DAP3: variants seen among roughly 807,000 people sequenced by gnomAD.
The protein encoded by DAP3 is death associated protein 3.
DAP3 carries 28 observed loss-of-function variants against 51.9 expected under a neutral mutation model. The ratio of observed to expected loss-of-function variants is 0.54; its 90% confidence interval spans 0.40 to 0.74. The LOEUF is 0.74. Ranked by LOEUF, DAP3 falls within the 30% of genes least tolerant of loss-of-function variation. DAP3 has a pLI of 0.00. For missense variants in DAP3, 458 were observed against 483.5 expected (o/e 0.95, Z 0.49); for synonymous variants, 170 against 170.3 (o/e 1.00, Z 0.01).
intron 10 of DAP3, 88 bp downstream of exon 10, chr1:155,731,503 A>C: frequency 7.4e-7 from 1 of 1,343,994 alleles, no homozygotes; most frequent in Non-Finnish European, 1.1e-6. Flanking sequence ...AATACTTTAC[A>C]GTCTCTAATT....
chr1:155,725,847 AAAAAC>A (rs1470331693), intron 5 of DAP3, 75 bp from the exon 6 acceptor site: 27 of 1,424,970 alleles, frequency 1.9e-5, no homozygotes, highest in Non-Finnish European at 2.5e-5. Flanking sequence ...CCCATCTCAA[AAAAAC>A]AAAACAAAGC....
At chr1:155,696,649 G>T (rs796726716) in intron 1 of DAP3, among the ~76,000 whole-genome samples, 2 of 152,114 alleles carry the variant, frequency 1.3e-5, no homozygotes, top group Admixed American at 1.3e-4. Context: ...ATTTTTTGTT[G>T]CACATAGTAT....
intron 2 of DAP3, among the ~76,000 whole-genome samples, chr1:155,712,042 C>T (rs1238749168): frequency 1.7e-4 from 26 of 151,630 alleles, no homozygotes; most frequent in Admixed American, 1.6e-3. Context: ...GGTGGGTCTG[C>T]GTCTCCCAGT....
chr1:155,710,630 A>C (rs1230971642), intron 2 of DAP3: 3 of 152,150 alleles, frequency 2.0e-5, no homozygotes, highest in South Asian at 2.1e-4. Flanking sequence ...CAGGTACTAC[A>C]CTAAGTGATT....
In DAP3 at chr1:155,721,573, G is replaced by A. The variant is rs1398942578; in HGVS notation, c.225G>A (p.Leu75=). 1 of 1,614,036 alleles carries A rather than the reference G, an allele frequency of 6.2e-7. No individual in the cohort carries two copies. Among genetic ancestry groups the A allele is most frequent in the Admixed American group, 1.7e-5 (1 of 59,976 alleles). The part of the protein sequence containing the change: ...GQHYNISPQD[L]ETVFPHGLPP... ...ACTACAACATCTCCCCCCAGGATTTGGAGACTGTATTTCCCCATGGCCTTC... is the reference window on the plus strand; with the variant it reads ...ACTACAACATCTCCCCCCAGGATTTAGAGACTGTATTTCCCCATGGCCTTC... The change falls in exon 4 of 13, where the codon TTG becomes TTA. Residue 75 remains leucine, a synonymous_variant. Transcript: ENST00000368336.
At chr1:155,691,481 T>G (rs1653813542) in intron 1 of DAP3, among the ~76,000 whole-genome samples, 1 of 142,216 alleles carries the variant, frequency 7.0e-6, no homozygotes, top group Non-Finnish European at 1.5e-5. Flanking sequence ...CACGTTATGT[T>G]TATTCATCAA....
At chr1:155,726,285 ATTTTTT>A (rs1174524977) in intron 6 of DAP3, 13 of 120,488 alleles carry the variant, frequency 1.1e-4, no homozygotes, top group Non-Finnish European at 1.4e-4. Context: ...CGCCCAGCTA[ATTTTTT>A]TTTTTTTTTT....
chr1:155,707,741 G>T lies in DAP3; in HGVS notation c.-7-2032G>T, dbSNP rs546995766. On this transcript the variant is annotated intron_variant, in intron 1 of 12. Transcript: ENST00000368336. ...TAAATGTTGTTTTTATCATTCTCTT[G>T]CTTTTTTGTTTCAGTTTTCCTATTT... 3.3e-5 allele frequency among the ~76,000 whole-genome samples: 5 copies of T among 151,926 alleles called. No homozygotes were observed. In the South Asian group the frequency reaches 8.3e-4, roughly 25 times the overall value.
At chr1:155,725,054 AC>A (rs112924846) in intron 4 of DAP3, among the ~76,000 whole-genome samples, 77 of 152,306 alleles carry the variant, frequency 5.1e-4, no homozygotes, top group African/African-American at 1.5e-3. Context: ...TTCCATATTT[AC>A]AGTGGCCCTA....
At chr1:155,728,170 C>T (rs1658809770) in intron 7 of DAP3, among the ~76,000 whole-genome samples, 1 of 152,114 alleles carries the variant, frequency 6.6e-6, no homozygotes, top group South Asian at 2.1e-4. Flanking sequence ...CACCTAAGAG[C>T]TTGTTAAAAA....
intron 3 of DAP3, among the ~76,000 whole-genome samples, chr1:155,718,705 A>AAGAAAGATAGAT (rs140806404): frequency 1.2e-3 from 171 of 140,942 alleles, no homozygotes; most frequent in African/African-American, 4.2e-3. Context: ...AAAAGAAAGA[A>AAGAAAGATAGAT]AGATAGATAG....
chr1:155,688,907 G>T, upstream of DAP3: 1 of 1,612,930 alleles, frequency 6.2e-7, no homozygotes, highest in South Asian at 1.1e-5. Flanking sequence ...CAGGGTGGCC[G>T]GCCGAGTCCC....
Position 155,729,355 on chromosome 1 carries a change from G to T in DAP3, c.832G>T (p.Asp278Tyr). ...GGGAAGAACCACTCTGAAAAGAGAA[G>T]ATAAAAGCCCGGTAGGAAAACTGGG... ...LWGRTTLKREDKSPIAPEELA... is the reference protein window; with the variant it reads ...LWGRTTLKREYKSPIAPEELA... Residue 278 changes from aspartate (D) to tyrosine (Y), a missense_variant, in exon 9 of 13, where the codon GAT (aspartate) becomes TAT (tyrosine). Asp to Tyr is a radical substitution (Grantham distance 160). Coordinates refer to ENST00000368336, the MANE Select transcript of DAP3 (RefSeq NM_004632.4). The T allele has an allele frequency of 6.2e-7, 1 of 1,613,238 alleles. No individual in the cohort carries two copies. Among genetic ancestry groups the T allele is most frequent in the Non-Finnish European group, 8.5e-7 (1 of 1,179,826 alleles).
intron 11 of DAP3, among the ~76,000 whole-genome samples, chr1:155,734,013 T>A (rs1316151379): frequency 2.0e-5 from 3 of 151,944 alleles, no homozygotes; most frequent in Non-Finnish European, 4.4e-5. Context: ...TAAAACTAGC[T>A]GGGCATGGTG....
intron 1 of DAP3, among the ~76,000 whole-genome samples, chr1:155,706,551 G>C (rs1349514739): frequency 6.6e-6 from 1 of 152,082 alleles, no homozygotes; most frequent in African/African-American, 2.4e-5. Context: ...AGGATCACCT[G>C]AGGTCAGGAG....
chr1:155,688,284 C>A (rs1652908961), upstream of DAP3: 2 of 1,584,306 alleles, frequency 1.3e-6, no homozygotes, highest in African/African-American at 1.3e-5. Flanking sequence ...GCAACCGACA[C>A]TGGGATCGTT....
chr1:155,698,620 CCTTT>C (rs1194576768), intron 1 of DAP3, among the ~76,000 whole-genome samples: 2 of 152,184 alleles, frequency 1.3e-5, no homozygotes, highest in African/African-American at 4.8e-5. Flanking sequence ...ATTTCCTTTC[CCTTT>C]CTTTGTGCTC....
chr1:155,688,994 A>C (rs1164514778), upstream of DAP3: 13 of 1,602,370 alleles, frequency 8.1e-6, no homozygotes, highest in South Asian at 5.6e-5. Flanking sequence ...CGGCGAGGGG[A>C]TCGAGGGCGG....
intron 1 of DAP3, among the ~76,000 whole-genome samples, chr1:155,708,431 T>C (rs949627890): frequency 3.3e-5 from 5 of 152,220 alleles, no homozygotes; most frequent in Non-Finnish European, 7.3e-5. Flanking sequence ...GCAAAGATAG[T>C]GTATTTATAC....
Sources: gnomAD v4.1 joint callset for allele counts (sites outside exome capture counted in the v4.1 genomes callset) on GRCh38, gnomAD v4.1.1 for gene constraint, MANE v1.5 for transcripts, NCBI Gene and HGNC (gene_info 2026-07-23, HGNC 2026-07-21) for gene names.